Variants in TARDBP observed in about 807,000 individuals in gnomAD.
The protein encoded by TARDBP is TAR DNA-binding protein 43.
TARDBP carries 4 observed loss-of-function variants against 38.3 expected under a neutral mutation model. That is an observed-to-expected ratio of 0.10 (90% CI 0.05 to 0.24). TARDBP has a LOEUF of 0.24. Among genes scored for constraint, TARDBP ranks in the 10% least tolerant of loss-of-function variants. The probability of loss-of-function intolerance (pLI) is 1.00; values close to 1 mark genes in which losing one functional copy is unlikely to be tolerated. For synonymous variants in TARDBP, 184 were observed against 183.8 expected (o/e 1.00, Z -0.01); for missense variants, 202 against 521.9 (o/e 0.39, Z 5.97).
chr1:11,018,900 T>G (rs1217449945), intron 4 of TARDBP, 27 bp downstream of exon 4: 2 of 1,613,900 alleles, frequency 1.2e-6, no homozygotes, highest in Admixed American at 3.3e-5. Flanking sequence ...TTTGGGAATT[T>G]TTGCCAACAA....
intron 3 of TARDBP, chr1:11,018,493 C>G (rs1643573811): frequency 3.6e-6 from 2 of 548,454 alleles, no homozygotes; most frequent in Non-Finnish European, 3.2e-6. Flanking sequence ...CTGGCCCCAT[C>G]TCTCTTTTTT....
downstream of TARDBP, chr1:11,030,428 C>G: frequency 1.7e-6 from 1 of 595,010 alleles, no homozygotes; most frequent in Non-Finnish European, 2.9e-6. Flanking sequence ...TGTTTGCTTG[C>G]AAAGTGGAAA....
intron 5 of TARDBP, among the ~76,000 whole-genome samples, chr1:11,021,307 T>A (rs1315422247): frequency 6.6e-6 from 1 of 151,986 alleles, no homozygotes; most frequent in Non-Finnish European, 1.5e-5. Flanking sequence ...CCTGGCTGAT[T>A]TTTTTGTGCT....
chr1:11,016,839 T>C lies in TARDBP; in HGVS notation c.239-5T>C. On this transcript the variant is annotated splice_polypyrimidine_tract_variant and splice_region_variant and intron_variant, in intron 2 of 5. Transcript: ENST00000240185. ...TTCTAAAAGGTTTCTGCTCGTTTTA[T>C]TTAGATAACAAAAGAAAAATGGATG... 6.2e-7 allele frequency: 1 copy of C among 1,613,868 alleles called. No individual in the cohort carries two copies. Among genetic ancestry groups the C allele is most frequent in the Non-Finnish European group, 8.5e-7 (1 of 1,179,984 alleles).
chr1:11,020,053 G>T (rs190071779), intron 4 of TARDBP, among the ~76,000 whole-genome samples: 35 of 151,442 alleles, frequency 2.3e-4, no homozygotes, highest in Admixed American at 2.3e-3. Context: ...TAGAGGTGGG[G>T]TTTCACCATG....
In TARDBP at chr1:11,018,480, C is replaced by T. The variant is rs754236873; in HGVS notation, c.403-253C>T. The T allele has an allele frequency of 1.6e-4, 79 of 502,142 alleles. 1 individual carries two copies. Among genetic ancestry groups the T allele is most frequent in the Non-Finnish European group, 2.5e-4 (71 of 279,762 alleles). 31.1% of individuals were successfully genotyped at this position (502,142 alleles called of 1,614,324 possible). On this transcript the variant is annotated intron_variant, in intron 3 of 5. Coordinates refer to ENST00000240185, the MANE Select transcript of TARDBP (RefSeq NM_007375.4). ...CTGGGAATACAGGTGTGAGCCACCG[C>T]GCCTGGCCCCATCTCTCTTTTTTAA...
Position 11,023,213 on chromosome 1 carries a change from T to G in TARDBP, c.*559T>G, listed in dbSNP as rs1315234584. 3.9e-6 allele frequency: 6 copies of G among 1,550,520 alleles called. No individual in the cohort carries two copies. The East Asian group carries it at 7.3e-5, about 19-fold the overall frequency. On this transcript the variant is annotated 3_prime_UTR_variant, in exon 6 of 6. Transcript: ENST00000240185. ...TGCAGTTCATCTCATTTCAAATGTT[T>G]ATGGAAGAAGCACTTCATTGAAAGT... is the stretch of plus-strand genomic sequence containing the variant.
At chr1:11,021,246 G>C (rs1239072524) in intron 5 of TARDBP, among the ~76,000 whole-genome samples, 2 of 151,770 alleles carry the variant, frequency 1.3e-5, no homozygotes, top group Non-Finnish European at 2.9e-5. Context: ...TCAAGCGATT[G>C]TCTTGGCTCA....
chr1:11,022,945 T>A lies in TARDBP; in HGVS notation c.*291T>A. ...ACAATTGATATCAAAAGGTTTCTCC[T>A]GTAATATTTTATCCCTGGACTTGTC... On this transcript the variant is annotated 3_prime_UTR_variant, in exon 6 of 6. Coordinates refer to ENST00000240185, the MANE Select transcript of TARDBP (RefSeq NM_007375.4). This position sits in a 1 kb window ranked among gnomAD's most constrained non-coding sequence, Gnocchi z 4.5. 1 of 1,368,692 alleles carries A rather than the reference T, an allele frequency of 7.3e-7. No individual in the cohort carries two copies. Among genetic ancestry groups the A allele is most frequent in the East Asian group, 2.7e-5 (1 of 36,676 alleles). The allele number at this position is 1,368,692 out of a possible 1,614,324, so 84.8% of individuals were successfully genotyped here. A position where few individuals can be genotyped will look rare whatever the true frequency, so the allele number is the denominator to read the frequency against.
At chr1:11,030,019 G>T (rs1371999106), downstream of TARDBP, 4 of 575,550 alleles carry the variant, frequency 6.9e-6, no homozygotes, top group Non-Finnish European at 1.2e-5. Context: ...ATATGGGAAG[G>T]GGGTAATGAG....
At chr1:11,014,514 C>T (rs891042575) in intron 2 of TARDBP, among the ~76,000 whole-genome samples, 1 of 152,114 alleles carries the variant, frequency 6.6e-6, no homozygotes, top group African/African-American at 2.4e-5. Flanking sequence ...AAGGAAATAC[C>T]TAATTTCAGC....
chr1:11,030,287 A>G (rs748113749), downstream of TARDBP: 2 of 1,423,596 alleles, frequency 1.4e-6, no homozygotes, highest in Admixed American at 1.7e-5. Flanking sequence ...GTTTAACTGC[A>G]TGTATAAGAT....
intron 2 of TARDBP, among the ~76,000 whole-genome samples, chr1:11,016,459 C>G (rs1432433519): frequency 6.6e-6 from 1 of 152,084 alleles, no homozygotes; most frequent in African/African-American, 2.4e-5. Flanking sequence ...TGTTTTATTA[C>G]AAAAGTTGTG....
In TARDBP at chr1:11,013,870, C is replaced by T; in HGVS notation, c.143C>T (p.Ser48Phe). The T allele has an allele frequency of 6.2e-7, 1 of 1,614,192 alleles. No individual in the cohort carries two copies. Among genetic ancestry groups the T allele is most frequent in the Non-Finnish European group, 8.5e-7 (1 of 1,180,004 alleles). Residue 48 changes from serine (S) to phenylalanine (F), a missense_variant, in exon 2 of 6, where the codon TCT becomes TTT. Ser to Phe is a radical substitution (Grantham distance 155, BLOSUM62 -2). Around this residue, in one of 5 missense-constraint regions of TARDBP, gnomAD observed 71 missense variants for 185.4 expected, o/e 0.38. Coordinates refer to ENST00000240185, the MANE Select transcript of TARDBP (RefSeq NM_007375.4). Reference protein sequence around the residue: ...ACGLRYRNPVSQCMRGVRLVE... With the variant: ...ACGLRYRNPVFQCMRGVRLVE... ...GGGCTTCGCTACAGGAATCCAGTGT[C>T]TCAGTGTATGAGAGGTGTCCGGCTG...
Position 11,018,695 on chromosome 1 carries a change from T to C in TARDBP, c.403-38T>C, listed in dbSNP as rs749540591. The C allele has an allele frequency of 3.7e-6, 6 of 1,613,870 alleles. No homozygotes were observed. In the South Asian group the frequency reaches 4.4e-5, roughly 12 times the overall value. ...GATTTGGGAATGGAGTGTGTGAGTATGTGCACTTTTAGAGTAAACTTGTAT... is the reference window on the plus strand; with the variant it reads ...GATTTGGGAATGGAGTGTGTGAGTACGTGCACTTTTAGAGTAAACTTGTAT... On this transcript the variant is annotated intron_variant, in intron 3 of 5. Coordinates refer to ENST00000240185, the MANE Select transcript of TARDBP (RefSeq NM_007375.4).
At chr1:11,015,937 ATTTG>A (rs1279774216) in intron 2 of TARDBP, among the ~76,000 whole-genome samples, 2 of 132,856 alleles carry the variant, frequency 1.5e-5, no homozygotes, top group Non-Finnish European at 3.2e-5. Context: ...ATTTATTTTT[ATTTG>A]TTTATTTATT....
chr1:11,030,330 A>G, downstream of TARDBP: 1 of 986,312 alleles, frequency 1.0e-6, no homozygotes, highest in Non-Finnish European at 1.6e-6. Flanking sequence ...CCCTTGAAAA[A>G]TGTTGATTCT....
intron 2 of TARDBP, among the ~76,000 whole-genome samples, chr1:11,014,552 C>T (rs1643477304): frequency 6.6e-6 from 1 of 152,134 alleles, no homozygotes; most frequent in Non-Finnish European, 1.5e-5. Flanking sequence ...TGTTAGTAGT[C>T]GATCTGTCTG....
At chr1:11,018,658 C>G (rs957736925) in intron 3 of TARDBP, 75 bp from the exon 4 acceptor site, 68 of 1,605,168 alleles carry the variant, frequency 4.2e-5, no homozygotes, top group Middle Eastern at 1.7e-4. Flanking sequence ...AAATTGTTTT[C>G]TAAGGAACTA....
Sources: gnomAD v4.1 joint callset for allele counts (sites outside exome capture counted in the v4.1 genomes callset) on GRCh38, gnomAD v4.1.1 for gene constraint, gnomAD v4.1.1 regional missense constraint, Gnocchi (gnomAD v3.1) non-coding constraint, MANE v1.5 for transcripts, NCBI Gene and HGNC (gene_info 2026-07-23, HGNC 2026-07-21) for gene names.